ANKRD30B: variants seen among roughly 807,000 people sequenced by gnomAD.
ANKRD30B encodes ankyrin repeat domain 30B, also known as ankyrin repeat domain-containing protein 30B.
A neutral mutation model predicts 202.2 loss-of-function variants in ANKRD30B; 144 were observed. The ratio of observed to expected loss-of-function variants is 0.71; its 90% CI spans 0.62 to 0.82. The LOEUF is 0.82. Among genes scored for constraint, ANKRD30B ranks in the 40% least tolerant of loss-of-function variants. The pLI is 0.00. For synonymous variants in ANKRD30B, 508 were observed against 561.3 expected, an observed-to-expected ratio of 0.91 and a Z score of 1.34; for missense variants, 1,487 against 1,669.1, an observed-to-expected ratio of 0.89 and a Z score of 1.90.
At chr18:14,800,346 C>T (rs1445295773) in intron 22 of ANKRD30B, among the ~76,000 whole-genome samples, 3 of 150,188 alleles carry the variant, frequency 2.0e-5, no homozygotes, top group Non-Finnish European at 4.4e-5. Flanking sequence ...CTCGCTGTCT[C>T]GCCCATCTCG....
At chr18:14,816,230 C>T (rs1395303531) in intron 30 of ANKRD30B, 2 of 152,234 alleles carry the variant, frequency 1.3e-5, no homozygotes, top group Non-Finnish European at 2.9e-5. Flanking sequence ...CATCACTCAG[C>T]ATATACACAT....
rs1429254220 is a variant in ANKRD30B, at chr18:14,748,473, G to A, written c.54G>A (p.Pro18=). The A allele has an allele frequency of 1.3e-6, 2 of 1,545,346 alleles. No individual in the cohort carries two copies. The highest frequency in any genetic ancestry group is 2.4e-5 in the South Asian group (2 of 83,632). ...AGKGVRGPEP[P]NPFSERVYTE... is the part of the protein sequence containing the mutation. ...AGGGCGTGCGGGGCCCGGAGCCCCC[G>A]AACCCCTTCAGCGAACGGGTCTACA... The change falls in exon 1 of 44, where the codon CCG becomes CCA. Residue 18 remains proline, a synonymous_variant. Coordinates refer to ENST00000690538, the MANE Select transcript of ANKRD30B (RefSeq NM_001367607.2).
chr18:14,791,601 C>T lies in ANKRD30B; in HGVS notation c.1825+110C>T, dbSNP rs142775714. 3.7e-4 allele frequency: 302 copies of T among 815,916 alleles called. 2 individuals carry two copies. In the East Asian group the frequency reaches 8.2e-3, roughly 22 times the overall value. The allele number at this position is 815,916 out of a possible 1,614,324, so 50.5% of individuals were successfully genotyped here. On this transcript the variant is annotated intron_variant, in intron 16 of 43. Transcript: ENST00000690538. ...AAAATTACCTCCTTAATGCAAAGCACAGAAAAAAGAGAAGTGAAACGGTGA... is the reference window on the plus strand; with the variant it reads ...AAAATTACCTCCTTAATGCAAAGCATAGAAAAAAGAGAAGTGAAACGGTGA...
intron 34 of ANKRD30B, among the ~76,000 whole-genome samples, chr18:14,836,268 TTTTTCTGACTC>T (rs1220727600): frequency 2.6e-5 from 4 of 152,162 alleles, no homozygotes; most frequent in East Asian, 1.9e-4. Context: ...CATTTTTATT[TTTTTCTGACTC>T]TTTTCTGACT....
intron 22 of ANKRD30B, 24 bp downstream of exon 22, chr18:14,799,319 A>C (rs1969157455): frequency 1.3e-6 from 2 of 1,494,682 alleles, no homozygotes; most frequent in Admixed American, 2.4e-5. Flanking sequence ...TTTTAATTTT[A>C]CTCTGGAATT....
At chr18:14,854,930 A>C (rs1972037885), downstream of ANKRD30B, among the ~76,000 whole-genome samples, 1 of 150,894 alleles carries the variant, frequency 6.6e-6, no homozygotes, top group African/African-American at 2.4e-5. Context: ...TTATTTATTG[A>C]TCATTCTTGG....
intron 34 of ANKRD30B, among the ~76,000 whole-genome samples, chr18:14,835,307 G>A (rs9284405): frequency 0.56 from 84,723 of 151,188 alleles, 24,208 homozygotes; most frequent in African/African-American, 0.67. Flanking sequence ...AATGTAATCA[G>A]TATTTGTCAA....
intron 12 of ANKRD30B, 48 bp from the exon 13 acceptor site, chr18:14,784,288 T>C (rs1213098752): frequency 6.3e-7 from 1 of 1,579,574 alleles, no homozygotes. Context: ...CTCGGTTGGC[T>C]TTGTCATATT....
chr18:14,767,373 T>TA (rs1916406776), intron 7 of ANKRD30B, among the ~76,000 whole-genome samples: 1 of 151,990 alleles, frequency 6.6e-6, no homozygotes, highest in African/African-American at 2.4e-5. Context: ...TATGATAGTT[T>TA]AATTTATAAA....
At chr18:14,865,087 C>G in the ANKRD30B span, among the ~76,000 whole-genome samples, 20 of 151,844 alleles carry the variant, frequency 1.3e-4, no homozygotes, top group African/African-American at 4.8e-4. Context: ...GCCACACTTT[C>G]TATTCTCCTC....
At chr18:14,917,280 T>A in the ANKRD30B span, among the ~76,000 whole-genome samples, 1 of 152,224 alleles carries the variant, frequency 6.6e-6, no homozygotes, top group African/African-American at 2.4e-5. Flanking sequence ...TCCCACAATT[T>A]CCCCAACATG....
chr18:14,891,181 G>A, the ANKRD30B span, among the ~76,000 whole-genome samples: 1 of 152,102 alleles, frequency 6.6e-6, no homozygotes, highest in East Asian at 1.9e-4. Flanking sequence ...GCCTTCAGAA[G>A]CTATTTTCTA....
rs577798989 is a variant in ANKRD30B at position 14,776,395 on chromosome 18, C to A, written c.1330-1590C>A. Among the ~76,000 whole-genome samples, 10 of 152,302 alleles carry A rather than the reference C, an allele frequency of 6.6e-5. No homozygotes were observed. The East Asian group carries it at 1.7e-3, about 26-fold the overall frequency. ...ATTGGAGAACTTTATAATTAGCATG[C>A]GTATGGGAGTGGCAGTGGAATTCTA... is the stretch of plus-strand genomic sequence containing the variant. On this transcript the variant is annotated intron_variant, in intron 9 of 43. Coordinates refer to ENST00000690538, the MANE Select transcript of ANKRD30B (RefSeq NM_001367607.2).
At chr18:14,758,107 A>G (rs979963966) in intron 5 of ANKRD30B, among the ~76,000 whole-genome samples, 155 bp downstream of exon 5, 6 of 152,096 alleles carry the variant, frequency 3.9e-5, no homozygotes, top group Non-Finnish European at 8.8e-5. Flanking sequence ...TTATTTTAGG[A>G]CTTTCAACAG....
chr18:14,824,926 A>G (rs536431398), intron 32 of ANKRD30B, among the ~76,000 whole-genome samples: 1 of 152,338 alleles, frequency 6.6e-6, no homozygotes, highest in African/African-American at 2.4e-5. Context: ...CCATTTGGTA[A>G]GCTGAATTTG....
the ANKRD30B span, among the ~76,000 whole-genome samples, chr18:14,893,625 A>AG: frequency 2.6e-5 from 4 of 152,202 alleles, no homozygotes; most frequent in African/African-American, 9.6e-5. Context: ...AAAAAAAAAA[A>AG]AAGTATTAAC....
At chr18:14,872,243 A>G in the ANKRD30B span, among the ~76,000 whole-genome samples, 2 of 152,212 alleles carry the variant, frequency 1.3e-5, no homozygotes, top group South Asian at 2.1e-4. Flanking sequence ...TATTCTCACA[A>G]CATTGGAAAG....
chr18:14,795,807 G>A (rs776270917), intron 16 of ANKRD30B, among the ~76,000 whole-genome samples: 2 of 150,984 alleles, frequency 1.3e-5, no homozygotes, highest in Non-Finnish European at 2.9e-5. Context: ...ACTCTGATGT[G>A]TTTCCTTAAC....
chr18:14,815,739 T>C (rs1270433501), intron 30 of ANKRD30B, among the ~76,000 whole-genome samples: 1 of 152,208 alleles, frequency 6.6e-6, no homozygotes, highest in Non-Finnish European at 1.5e-5. Flanking sequence ...AAAATGTTAT[T>C]AATATTTAAT....
Sources: allele counts gnomAD v4.1 joint callset (sites outside exome capture counted in the v4.1 genomes callset), GRCh38; gene constraint gnomAD v4.1.1; transcripts MANE v1.5; gene names NCBI Gene and HGNC (gene_info 2026-07-23, HGNC 2026-07-21).